FRK: variants seen among roughly 807,000 people sequenced by gnomAD.
FRK encodes the protein fyn related Src family tyrosine kinase.
A neutral mutation model predicts 56.4 loss-of-function variants in FRK; 51 were observed. That is an observed-to-expected ratio of 0.90 (90% confidence interval 0.72 to 1.14). FRK has a LOEUF of 1.14. Among genes scored for constraint, FRK ranks in the 50% most tolerant of loss-of-function variants. The pLI, the probability that FRK is intolerant of heterozygous loss-of-function variation, is 0.00. For missense variants in FRK, 570 were observed against 601.4 expected (o/e 0.95, Z 0.55); for synonymous variants, 245 against 217.9 (o/e 1.12, Z -1.10).
intron 2 of FRK, among the ~76,000 whole-genome samples, chr6:115,975,109 T>G (rs946433759): frequency 6.6e-6 from 1 of 152,128 alleles, no homozygotes. Flanking sequence ...TTTCGGGACT[T>G]ACAAGACTTC....
the FRK span, among the ~76,000 whole-genome samples, chr6:116,070,810 A>AT: frequency 1.3e-5 from 2 of 152,060 alleles, no homozygotes; most frequent in Admixed American, 6.6e-5. Flanking sequence ...CCAGATTTAG[A>AT]TTTTTCCTAT....
Position 115,977,686 on chromosome 6 carries a change from G to A in FRK, c.467-8947C>T, listed in dbSNP as rs1774037977. Among the ~76,000 whole-genome samples the A allele has an allele frequency of 2.6e-5, 4 of 152,216 alleles. No individual in the cohort carries two copies. The South Asian group carries it at 6.2e-4, about 24-fold the overall frequency. ...GAGGCAATAATCAACAACTTTTGTA[G>A]GCAAAAATTAACTATCTCTTCCATA... On this transcript the variant is annotated intron_variant, in intron 2 of 7. Coordinates refer to ENST00000606080, the MANE Select transcript of FRK (RefSeq NM_002031.3).
intron 1 of FRK, among the ~76,000 whole-genome samples, chr6:116,044,596 A>G (rs1367403640): frequency 6.6e-6 from 1 of 152,224 alleles, no homozygotes; most frequent in African/African-American, 2.4e-5. Flanking sequence ...AAATAATAAG[A>G]GCGATTTATG....
Position 115,982,564 on chromosome 6 carries a change from A to G in FRK, c.467-13825T>C, listed in dbSNP as rs184817418. On this transcript the variant is annotated intron_variant, in intron 2 of 7. Transcript: ENST00000606080. The stretch of plus-strand genomic sequence containing the variant: ...TAAACACTTCACATAAAGACAAACC[A>G]CCCCTTAGTTACAGCCTGCACTTTG... Among the ~76,000 whole-genome samples the G allele has an allele frequency of 4.1e-3, 628 of 152,060 alleles. 4 individuals carry two copies. Among genetic ancestry groups the G allele is most frequent in the Non-Finnish European group, 6.8e-3 (459 of 67,936 alleles).
chr6:116,093,582 A>G, the FRK span, among the ~76,000 whole-genome samples: 1 of 152,244 alleles, frequency 6.6e-6, no homozygotes, highest in South Asian at 2.1e-4. Flanking sequence ...AGAAAGGGAC[A>G]AATTCCCTAC....
chr6:116,035,319 C>T (rs1284480638), intron 1 of FRK, among the ~76,000 whole-genome samples: 1 of 151,934 alleles, frequency 6.6e-6, no homozygotes, highest in Non-Finnish European at 1.5e-5. Context: ...TAGTGGTGAC[C>T]TCAAGAGAGG....
rs1772108550 is a variant in FRK at position 115,939,202 on chromosome 6, C to A, written c.*3212G>T. On this transcript the variant is annotated 3_prime_UTR_variant, in exon 8 of 8. Transcript: ENST00000606080. ...TTCAACATACGCAAATCAATAAACACAATCCATCACATAAACAGAACCAAT... is the reference window on the plus strand; with the variant it reads ...TTCAACATACGCAAATCAATAAACAAAATCCATCACATAAACAGAACCAAT... 1 of 152,038 alleles carries A rather than the reference C, an allele frequency of 6.6e-6. No individual in the cohort carries two copies. 9.4% of individuals were successfully genotyped at this position (152,038 alleles called of 1,614,324 possible). A position where few individuals can be genotyped will look rare whatever the true frequency, so the allele number is the denominator to read the frequency against.
At chr6:116,059,756 T>C (rs1777546519) in intron 1 of FRK, among the ~76,000 whole-genome samples, 1 of 152,238 alleles carries the variant, frequency 6.6e-6, no homozygotes, top group East Asian at 1.9e-4. Context: ...ATGTACATAC[T>C]GTAATTGAAG....
intron 4 of FRK, among the ~76,000 whole-genome samples, chr6:115,967,040 AT>A (rs1471029003): frequency 6.6e-6 from 1 of 152,202 alleles, no homozygotes; most frequent in African/African-American, 2.4e-5. Context: ...ATAAATACTG[AT>A]TTCAGTATAA....
At chr6:116,084,231 T>C in the FRK span, among the ~76,000 whole-genome samples, 3 of 152,222 alleles carry the variant, frequency 2.0e-5, no homozygotes, top group Admixed American at 1.3e-4. Context: ...GTCAAACTTA[T>C]ACATCTGTTA....
At chr6:116,052,772 G>T (rs190647492) in intron 1 of FRK, among the ~76,000 whole-genome samples, 1 of 152,074 alleles carries the variant, frequency 6.6e-6, no homozygotes, top group East Asian at 1.9e-4. Flanking sequence ...GAGTGCAGAC[G>T]GTCGAAGACT....
chr6:116,095,365 G>A, the FRK span, among the ~76,000 whole-genome samples: 1 of 152,218 alleles, frequency 6.6e-6, no homozygotes, highest in Non-Finnish European at 1.5e-5. Context: ...AGTATTTACA[G>A]AATCAGGAAG....
intron 5 of FRK, among the ~76,000 whole-genome samples, chr6:115,948,392 A>G (rs531887188): frequency 8.8e-4 from 134 of 152,344 alleles, no homozygotes; most frequent in African/African-American, 3.2e-3. Context: ...GACCTGAACC[A>G]GGAGACCCAG....
rs189937062 is a variant in FRK at position 115,941,162 on chromosome 6, C to T, written c.*1252G>A. On this transcript the variant is annotated 3_prime_UTR_variant, in exon 8 of 8. Coordinates refer to ENST00000606080, the MANE Select transcript of FRK (RefSeq NM_002031.3). Reference sequence around the variant, plus strand: ...TAGACACTATGGAATACTATGCAGCCATAAAAAAGGATGAGTTCATGTCCT... The same window carrying T: ...TAGACACTATGGAATACTATGCAGCTATAAAAAAGGATGAGTTCATGTCCT... The T allele has an allele frequency of 6.6e-6, 1 of 152,112 alleles. No homozygotes were observed. The highest frequency in any genetic ancestry group is 2.4e-5 in the African/African-American group (1 of 41,420). 9.4% of individuals were successfully genotyped at this position (152,112 alleles called of 1,614,324 possible).
chr6:115,976,874 A>G (rs1050349270), intron 2 of FRK, among the ~76,000 whole-genome samples: 16 of 152,278 alleles, frequency 1.1e-4, no homozygotes, highest in South Asian at 4.1e-4. Flanking sequence ...CAGTATTGTC[A>G]AATAGCATTG....
Position 115,931,184 on chromosome 6 carries a change from C to CA in FRK, c.*11229dup, listed in dbSNP as rs780217410. ...ACATTGAATTTATATTTTAGATCCACAATCAACTTGACTTCTGAAACAGTT... is the reference window on the plus strand; with the variant it reads ...ACATTGAATTTATATTTTAGATCCACAAATCAACTTGACTTCTGAAACAGTT... On this transcript the variant is annotated 3_prime_UTR_variant, in exon 8 of 8. Coordinates refer to ENST00000606080, the MANE Select transcript of FRK (RefSeq NM_002031.3). 1 of 152,182 alleles carries CA rather than the reference C, an allele frequency of 6.6e-6. No individual in the cohort carries two copies. The highest frequency in any genetic ancestry group is 1.5e-5 in the Non-Finnish European group (1 of 68,026). 9.4% of individuals were successfully genotyped at this position (152,182 alleles called of 1,614,324 possible).
chr6:115,972,689 T>C (rs1450848273), intron 2 of FRK, among the ~76,000 whole-genome samples: 1 of 152,232 alleles, frequency 6.6e-6, no homozygotes, highest in East Asian at 1.9e-4. Context: ...TCTACTTCTA[T>C]TGTGTCTTAA....
At chr6:116,049,559 A>G (rs1020381623) in intron 1 of FRK, among the ~76,000 whole-genome samples, 11 of 152,196 alleles carry the variant, frequency 7.2e-5, no homozygotes, top group Admixed American at 2.6e-4. Context: ...GCTAGCTGTT[A>G]TATGATAAAA....
At chr6:116,035,093 A>T (rs1354618060) in intron 1 of FRK, among the ~76,000 whole-genome samples, 1 of 152,052 alleles carries the variant, frequency 6.6e-6, no homozygotes, top group Admixed American at 6.6e-5. Context: ...GTGGGGGATC[A>T]GAGAGAGAAG....
Sources: allele counts gnomAD v4.1 joint callset (sites outside exome capture counted in the v4.1 genomes callset), GRCh38; gene constraint gnomAD v4.1.1; transcripts MANE v1.5; gene names NCBI Gene and HGNC (gene_info 2026-07-23, HGNC 2026-07-21).